PCDHA12: variants seen among roughly 807,000 people sequenced by gnomAD.
The protein encoded by PCDHA12 is protocadherin alpha-12.
Under a neutral mutation model 60.0 loss-of-function variants are expected in PCDHA12, and 44 were observed. The ratio of observed to expected loss-of-function variants is 0.73; its 90% CI spans 0.58 to 0.94. The LOEUF is 0.94. Ranked by LOEUF, PCDHA12 falls within the 40% of genes least tolerant of loss-of-function variation. PCDHA12 has a pLI of 0.00. For missense variants in PCDHA12, 1,276 were observed against 1,239.7 expected (o/e 1.03, Z -0.44); for synonymous variants, 569 against 553.0 (o/e 1.03, Z -0.40).
intron 1 of PCDHA12, among the ~76,000 whole-genome samples, chr5:140,920,594 C>G (rs1347372573): frequency 1.3e-5 from 2 of 152,176 alleles, no homozygotes; most frequent in Admixed American, 1.3e-4. Flanking sequence ...GCCTGTAATC[C>G]CAGCACTTTG....
chr5:140,903,163 G>T (rs2070058285), intron 1 of PCDHA12, among the ~76,000 whole-genome samples: 1 of 152,096 alleles, frequency 6.6e-6, no homozygotes, highest in Non-Finnish European at 1.5e-5. Flanking sequence ...GGTTGTGCTG[G>T]TTTACATTCC....
chr5:140,875,905 T>A lies in PCDHA12; in HGVS notation c.433T>A (p.Ser145Thr), dbSNP rs1554168057. ...EREQKVPVSE[S>T]APLDSHFPLE... ...GGAACAAAAGGTACCTGTTTCTGAA[T>A]CTGCGCCTCTGGACTCTCATTTTCC... Residue 145 changes from serine to threonine, a missense_variant, in exon 1 of 4, where the codon TCT (serine) becomes ACT (threonine). Coordinates refer to ENST00000398631, the MANE Select transcript of PCDHA12 (RefSeq NM_018903.4). The A allele has an allele frequency of 6.2e-7, 1 of 1,614,222 alleles. No individual in the cohort carries two copies. Among genetic ancestry groups the A allele is most frequent in the Admixed American group, 1.7e-5 (1 of 60,030 alleles).
At chr5:140,929,112 C>T in intron 1 of PCDHA12, 6 of 1,614,130 alleles carry the variant, frequency 3.7e-6, no homozygotes, top group Non-Finnish European at 5.1e-6. Context: ...TGACATCAGC[C>T]ACCATAGATG....
intron 1 of PCDHA12, among the ~76,000 whole-genome samples, chr5:140,895,233 A>G (rs2064923914): frequency 3.3e-5 from 5 of 152,070 alleles, no homozygotes; most frequent in Admixed American, 2.6e-4. Context: ...GAGTTTTCTC[A>G]TCTCTCTTTT....
intron 1 of PCDHA12, among the ~76,000 whole-genome samples, chr5:140,900,706 A>G (rs1279378955): frequency 6.6e-6 from 1 of 152,154 alleles, no homozygotes; most frequent in Admixed American, 6.5e-5. Flanking sequence ...GTTCTTTTGG[A>G]AAGAAAGGAA....
At chr5:140,887,059 C>G (rs1474485995) in intron 1 of PCDHA12, among the ~76,000 whole-genome samples, 1 of 151,642 alleles carries the variant, frequency 6.6e-6, no homozygotes, top group Non-Finnish European at 1.5e-5. Flanking sequence ...TATGTTCTGG[C>G]AACAAATTCA....
rs561828077 is a variant in PCDHA12 at position 140,908,632 on chromosome 5, C to T, written c.2367+30793C>T. On this transcript the variant is annotated intron_variant, in intron 1 of 3. Transcript: ENST00000398631. ...TGCTCCAAAATCCTTGAGGTCTCCA[C>T]TGTGATTCACTTATGGGGGCCTGCC... Among the ~76,000 whole-genome samples the T allele has an allele frequency of 9.8e-5, 15 of 152,318 alleles. No individual in the cohort carries two copies. In the East Asian group the frequency reaches 2.9e-3, roughly 29 times the overall value.
intron 1 of PCDHA12, among the ~76,000 whole-genome samples, chr5:140,887,589 T>C (rs1271786236): frequency 6.6e-6 from 1 of 152,120 alleles, no homozygotes; most frequent in Non-Finnish European, 1.5e-5. Context: ...CTTTTGCAGA[T>C]TGATTGTGAT....
intron 1 of PCDHA12, among the ~76,000 whole-genome samples, chr5:140,936,386 A>C (rs1321919652): frequency 6.6e-6 from 1 of 152,190 alleles, no homozygotes; most frequent in African/African-American, 2.4e-5. Context: ...GTGGCTAGTG[A>C]AACTGGGCTA....
intron 2 of PCDHA12, among the ~76,000 whole-genome samples, chr5:140,981,353 C>A (rs551731316): frequency 6.6e-6 from 1 of 152,166 alleles, no homozygotes; most frequent in South Asian, 2.1e-4. Context: ...GCAGGTGGAT[C>A]ACTTGAGGTC....
rs185799175 is a variant in PCDHA12, at chr5:140,887,220, C to G, written c.2367+9381C>G. ...CACGCCATTCTCCTGCCTCAGCCTC[C>G]CGAGTAGCTGAGACTACCGGCGCCC... On this transcript the variant is annotated intron_variant, in intron 1 of 3. Coordinates refer to ENST00000398631, the MANE Select transcript of PCDHA12 (RefSeq NM_018903.4). Among the ~76,000 whole-genome samples, 14 of 152,078 alleles carry G rather than the reference C, an allele frequency of 9.2e-5. No individual in the cohort carries two copies. In the East Asian group the frequency reaches 2.7e-3, roughly 30 times the overall value.
At chr5:140,906,158 C>G (rs1186216636) in intron 1 of PCDHA12, among the ~76,000 whole-genome samples, 1 of 152,140 alleles carries the variant, frequency 6.6e-6, no homozygotes, top group East Asian at 1.9e-4. Context: ...CACAGACACA[C>G]CCAGGAACAA....
intron 1 of PCDHA12, chr5:140,928,354 A>G: frequency 6.2e-7 from 1 of 1,614,150 alleles, no homozygotes; most frequent in Non-Finnish European, 8.5e-7. Flanking sequence ...GTTGGATGTT[A>G]TCTCTGAAGG....
At chr5:140,989,947 T>G (rs2097368215) in intron 3 of PCDHA12, among the ~76,000 whole-genome samples, 1 of 152,062 alleles carries the variant, frequency 6.6e-6, no homozygotes, top group Non-Finnish European at 1.5e-5. Context: ...CACGTTTTTC[T>G]CGGTGAGACC....
intron 1 of PCDHA12, among the ~76,000 whole-genome samples, chr5:140,932,571 A>G (rs1308740705): frequency 1.3e-5 from 2 of 151,926 alleles, no homozygotes; most frequent in African/African-American, 4.8e-5. Context: ...AGACTTTCCC[A>G]TAGGGTAATT....
intron 1 of PCDHA12, among the ~76,000 whole-genome samples, chr5:140,937,072 C>G (rs1321046541): frequency 7.0e-6 from 1 of 143,792 alleles, no homozygotes; most frequent in East Asian, 2.0e-4. Flanking sequence ...GAGTCTCGCT[C>G]TGTCGCCCAG....
intron 1 of PCDHA12, among the ~76,000 whole-genome samples, chr5:140,976,072 T>C (rs1193049661): frequency 6.6e-6 from 1 of 152,250 alleles, no homozygotes; most frequent in South Asian, 2.1e-4. Context: ...TGTCTTACTG[T>C]GTCAGATATA....
chr5:140,908,307 C>T (rs782169692), intron 1 of PCDHA12, among the ~76,000 whole-genome samples: 43 of 152,180 alleles, frequency 2.8e-4, no homozygotes, highest in Non-Finnish European at 1.3e-4. Context: ...GAAGGAAGGG[C>T]GGCAGGAGTG....
In PCDHA12 at chr5:140,876,138, A is replaced by G. The variant is rs781923596; in HGVS notation, c.666A>G (p.Leu222=). Residue 222 remains leucine (L), a synonymous_variant, in exon 1 of 4, where the codon CTA becomes CTG. Coordinates refer to ENST00000398631, the MANE Select transcript of PCDHA12 (RefSeq NM_018903.4). ...TAATCGATGGCGGTAAACCAGAACT[A>G]ACAGGGTCTGTCCAGATTCAAATAA... ...LMVIDGGKPE[L]TGSVQIQITV... 6.2e-7 allele frequency: 1 copy of G among 1,613,952 alleles called. No homozygotes were observed.
Sources: allele counts gnomAD v4.1 joint callset (sites outside exome capture counted in the v4.1 genomes callset), GRCh38; gene constraint gnomAD v4.1.1; transcripts MANE v1.5; gene names NCBI Gene and HGNC (gene_info 2026-07-23, HGNC 2026-07-21).